Variants in EXOC4 observed in about 807,000 individuals in gnomAD.
EXOC4 encodes the protein SEC8-like 1.
A neutral mutation model predicts 107.2 loss-of-function variants in EXOC4; 71 were observed. The observed-to-expected ratio is 0.66, with a 90% CI of 0.55 to 0.81. The LOEUF (loss-of-function observed/expected upper bound fraction) is 0.81. Ranked by LOEUF, EXOC4 falls within the 30% of genes least tolerant of loss-of-function variation. EXOC4 has a pLI of 0.00. For synonymous variants in EXOC4, 456 were observed against 441.2 expected, an observed-to-expected ratio of 1.03 and a Z score of -0.42; for missense variants, 1,108 against 1,189.6, an observed-to-expected ratio of 0.93 and a Z score of 1.01.
chr7:133,742,581 A>G (rs1037996810), intron 10 of EXOC4, among the ~76,000 whole-genome samples: 1 of 152,214 alleles, frequency 6.6e-6, no homozygotes, highest in African/African-American at 2.4e-5. Context: ...TTTTAAAGCT[A>G]GTTTCATATC....
chr7:133,759,121 C>CA (rs1159936249), intron 10 of EXOC4, among the ~76,000 whole-genome samples: 1 of 150,128 alleles, frequency 6.7e-6, no homozygotes, highest in African/African-American at 2.5e-5. Flanking sequence ...TAATTTAAAA[C>CA]AAACAAACAA....
At chr7:133,682,909 G>C (rs979522695) in intron 10 of EXOC4, among the ~76,000 whole-genome samples, 7 of 152,174 alleles carry the variant, frequency 4.6e-5, no homozygotes, top group African/African-American at 7.2e-5. Flanking sequence ...TGCAGACATG[G>C]CAAAGGGATG....
chr7:133,463,902 G>C (rs533656726), intron 7 of EXOC4, among the ~76,000 whole-genome samples: 1 of 152,126 alleles, frequency 6.6e-6, no homozygotes, highest in Non-Finnish European at 1.5e-5. Flanking sequence ...AGTGATTGCT[G>C]TGCTTCAGGC....
At chr7:133,955,029 C>T (rs767728615) in intron 14 of EXOC4, among the ~76,000 whole-genome samples, 1 of 152,232 alleles carries the variant, frequency 6.6e-6, no homozygotes, top group Non-Finnish European at 1.5e-5. Flanking sequence ...GGAGCTCCTA[C>T]ATCTGGGCTT....
At chr7:133,482,637 G>T (rs1799183564) in intron 9 of EXOC4, among the ~76,000 whole-genome samples, 1 of 152,092 alleles carries the variant, frequency 6.6e-6, no homozygotes, top group African/African-American at 2.4e-5. Context: ...GTAACCTCCA[G>T]CAAGTTCCAT....
At chr7:133,882,256 G>A (rs1798982145) in intron 11 of EXOC4, among the ~76,000 whole-genome samples, 1 of 152,264 alleles carries the variant, frequency 6.6e-6, no homozygotes, top group Middle Eastern at 3.4e-3. Flanking sequence ...CTGCTCTACT[G>A]TTGATGGACA....
chr7:134,070,737 A>G (rs1796262882), downstream of EXOC4, among the ~76,000 whole-genome samples: 1 of 152,138 alleles, frequency 6.6e-6, no homozygotes, highest in African/African-American at 2.4e-5. Flanking sequence ...CCACATGCAT[A>G]CTATTAAGAT....
intron 10 of EXOC4, among the ~76,000 whole-genome samples, chr7:133,718,130 G>A (rs547436227): frequency 1.1e-4 from 16 of 152,322 alleles, no homozygotes; most frequent in Non-Finnish European, 2.2e-4. Context: ...TTAAGGAATA[G>A]GTTTTACTGG....
chr7:133,485,214 C>G (rs745834702), intron 9 of EXOC4, among the ~76,000 whole-genome samples: 1 of 151,858 alleles, frequency 6.6e-6, no homozygotes, highest in Admixed American at 6.6e-5. Context: ...TTCCCATTTT[C>G]TCTTCAACTC....
chr7:133,484,216 A>C, intron 9 of EXOC4: 1 of 1,475,422 alleles, frequency 6.8e-7, no homozygotes, highest in Non-Finnish European at 9.0e-7. Context: ...CTTTGGTGTT[A>C]TCAATGCATC....
intron 4 of EXOC4, chr7:133,314,903 G>A: frequency 6.6e-6 from 1 of 152,220 alleles, no homozygotes; most frequent in East Asian, 1.9e-4. Flanking sequence ...CTCTGTAGCA[G>A]TACCATAAAC....
In EXOC4 at chr7:133,317,238, G is replaced by A. The variant is rs1265781933; in HGVS notation, c.657-46G>A. On this transcript the variant is annotated intron_variant, in intron 4 of 17. Transcript: ENST00000253861. ...GTGGGGCTGTAGTGGGAGGACTTTA[G>A]TTGGTTTTGAAGAAAGTGGTAACTA... 3.6e-6 allele frequency: 5 copies of A among 1,391,930 alleles called. No individual in the cohort carries two copies. In the African/African-American group the frequency reaches 7.1e-5, roughly 20 times the overall value. The allele number at this position is 1,391,930 out of a possible 1,614,324, so 86.2% of individuals were successfully genotyped here. A position where few individuals can be genotyped will look rare whatever the true frequency, so the allele number is the denominator to read the frequency against.
intron 9 of EXOC4, among the ~76,000 whole-genome samples, chr7:133,515,400 CATAT>C (rs1004114875): frequency 4.0e-5 from 6 of 151,692 alleles, no homozygotes; most frequent in African/African-American, 1.5e-4. Context: ...CACATATATA[CATAT>C]ATATACACGT....
At chr7:133,923,128 CTTT>C (rs35715979) in intron 13 of EXOC4, among the ~76,000 whole-genome samples, 6 of 126,524 alleles carry the variant, frequency 4.7e-5, no homozygotes, top group Admixed American at 1.6e-4. Flanking sequence ...AGAGTTTACA[CTTT>C]TTTTTTTTTT....
chr7:133,837,395 G>A (rs1797940147), intron 11 of EXOC4, among the ~76,000 whole-genome samples: 1 of 152,136 alleles, frequency 6.6e-6, no homozygotes, highest in African/African-American at 2.4e-5. Context: ...CTCCAAAAAA[G>A]ACCATAAAAT....
At position 133,374,895 on chromosome 7, in the gene EXOC4, G is replaced by T; in HGVS notation, c.1075G>T (p.Val359Phe). 1 of 1,614,014 alleles carries T rather than the reference G, an allele frequency of 6.2e-7. No individual in the cohort carries two copies. The highest frequency in any genetic ancestry group is 2.2e-5 in the East Asian group (1 of 44,874). The change falls in exon 7 of 18, where the codon GTC becomes TTC. Residue 359 changes from valine to phenylalanine, a missense_variant. Physicochemically the swap from Val to Phe is conservative, Grantham distance 50. Transcript: ENST00000253861. ...FNAVAAAHSV[V>F]LGYLQDTVVT... Reference sequence around the variant, plus strand: ...TGCTGTAGCCGCTGCACACTCTGTGGTCCTGGGATACCTGCAGGACACTGT... The same window carrying T: ...TGCTGTAGCCGCTGCACACTCTGTGTTCCTGGGATACCTGCAGGACACTGT...
chr7:133,477,007 T>C (rs184083425), intron 8 of EXOC4, among the ~76,000 whole-genome samples: 86 of 152,278 alleles, frequency 5.6e-4, no homozygotes, highest in Non-Finnish European at 1.5e-4. Context: ...AAAAAACATA[T>C]AGACTTTATT....
At chr7:133,959,913 A>G (rs1800903312) in intron 14 of EXOC4, among the ~76,000 whole-genome samples, 1 of 152,194 alleles carries the variant, frequency 6.6e-6, no homozygotes, top group Non-Finnish European at 1.5e-5. Flanking sequence ...CAGACATACA[A>G]GTTCTCAGAA....
chr7:134,042,853 A>G (rs986866539), intron 17 of EXOC4, among the ~76,000 whole-genome samples: 5 of 152,212 alleles, frequency 3.3e-5, no homozygotes, highest in Admixed American at 6.5e-5. Context: ...CCTGGCCAAC[A>G]TGGCAAAACC....
Sources: gnomAD v4.1 joint callset for allele counts (sites outside exome capture counted in the v4.1 genomes callset) on GRCh38, gnomAD v4.1.1 for gene constraint, MANE v1.5 for transcripts, NCBI Gene and HGNC (gene_info 2026-07-23, HGNC 2026-07-21) for gene names.